Variants in RAP1GDS1 observed in about 807,000 individuals in gnomAD.
RAP1GDS1 encodes the protein RAP1, GTP-GDP dissociation stimulator 1.
In RAP1GDS1, 35 loss-of-function variants were observed where a neutral mutation model predicts 71.1. That is an observed-to-expected ratio of 0.49 (90% confidence interval 0.38 to 0.65). The LOEUF (loss-of-function observed/expected upper bound fraction) is 0.65, where lower values mean the gene tolerates loss of function less well. RAP1GDS1 is among the 30% of genes least tolerant of loss of function. The pLI is 0.00. For synonymous variants in RAP1GDS1, 229 were observed against 243.1 expected (o/e 0.94, Z 0.54); for missense variants, 663 against 706.1 (o/e 0.94, Z 0.69).
At chr4:98,425,147 A>C (rs1162924722) in intron 12 of RAP1GDS1, among the ~76,000 whole-genome samples, 1 of 152,186 alleles carries the variant, frequency 6.6e-6, no homozygotes, top group Middle Eastern at 3.2e-3. Context: ...AAGCTTCATA[A>C]ATGAAGGAAA....
chr4:98,312,046 T>G (rs897447388), intron 2 of RAP1GDS1, among the ~76,000 whole-genome samples: 3 of 152,114 alleles, frequency 2.0e-5, no homozygotes, highest in African/African-American at 7.2e-5. Context: ...AGATAGAGGA[T>G]GGTAAATAAT....
At chr4:98,379,530 G>A (rs2110105690) in intron 5 of RAP1GDS1, 2 of 154,174 alleles carry the variant, frequency 1.3e-5, no homozygotes, top group Non-Finnish European at 2.9e-5. Context: ...GTTTGCAGAA[G>A]TAAAATTATT....
At chr4:98,301,382 A>G (rs142392207) in intron 2 of RAP1GDS1, among the ~76,000 whole-genome samples, 6 of 152,210 alleles carry the variant, frequency 3.9e-5, no homozygotes, top group African/African-American at 1.4e-4. Context: ...ACAATTCCTG[A>G]TGGGTTGAGA....
At chr4:98,286,957 A>C (rs1726144141) in intron 1 of RAP1GDS1, among the ~76,000 whole-genome samples, 1 of 151,928 alleles carries the variant, frequency 6.6e-6, no homozygotes, top group South Asian at 2.1e-4. Flanking sequence ...CACATTTCTA[A>C]AATAGAGAAG....
chr4:98,354,380 C>T (rs74288957), intron 4 of RAP1GDS1, among the ~76,000 whole-genome samples: 10,143 of 152,200 alleles, frequency 0.067, 385 homozygotes, highest in Admixed American at 0.14. Flanking sequence ...TTCTTTAAAC[C>T]TTGTTCATTT....
intron 1 of RAP1GDS1, among the ~76,000 whole-genome samples, chr4:98,279,757 C>T (rs889378512): frequency 6.6e-5 from 10 of 152,038 alleles, no homozygotes; most frequent in Non-Finnish European, 1.2e-4. Context: ...TATCCCTTCC[C>T]CTGTCCCCAC....
chr4:98,374,091 A>T (rs915263662), intron 4 of RAP1GDS1, among the ~76,000 whole-genome samples: 2 of 152,158 alleles, frequency 1.3e-5, no homozygotes, highest in Non-Finnish European at 2.9e-5. Flanking sequence ...AACAAACTGC[A>T]GAAAGTAAAA....
intron 13 of RAP1GDS1, 58 bp downstream of exon 13, chr4:98,434,120 T>C (rs189898258): frequency 6.3e-7 from 1 of 1,582,746 alleles, no homozygotes; most frequent in Admixed American, 1.7e-5. Context: ...TGAAAGGAAG[T>C]ATAGAAGTGG....
intron 3 of RAP1GDS1, among the ~76,000 whole-genome samples, chr4:98,346,779 C>T (rs1227379115): frequency 2.6e-5 from 4 of 152,050 alleles, no homozygotes; most frequent in South Asian, 2.1e-4. Flanking sequence ...CTCCTGACCT[C>T]GTGATCTGCC....
At chr4:98,398,499 A>G (rs1206033533) in intron 6 of RAP1GDS1, among the ~76,000 whole-genome samples, 1 of 152,168 alleles carries the variant, frequency 6.6e-6, no homozygotes, top group African/African-American at 2.4e-5. Context: ...GTTGAATACA[A>G]AAGATCATGA....
At chr4:98,364,181 AAT>A (rs1422107299) in intron 4 of RAP1GDS1, among the ~76,000 whole-genome samples, 1 of 152,188 alleles carries the variant, frequency 6.6e-6, no homozygotes, top group East Asian at 1.9e-4. Flanking sequence ...AAGTTAAAAT[AAT>A]CTCCTGCATT....
intron 2 of RAP1GDS1, among the ~76,000 whole-genome samples, chr4:98,335,376 T>G (rs1484442213): frequency 2.0e-5 from 3 of 152,128 alleles, no homozygotes; most frequent in Non-Finnish European, 4.4e-5. Flanking sequence ...TCTTTGTGGT[T>G]TTTGCAGTCT....
chr4:98,390,499 C>T (rs1743447422), intron 5 of RAP1GDS1, among the ~76,000 whole-genome samples: 1 of 151,926 alleles, frequency 6.6e-6, no homozygotes, highest in Non-Finnish European at 1.5e-5. Context: ...TAATAGGCCC[C>T]TTTCTATTAT....
chr4:98,335,231 C>G (rs1455485490), intron 2 of RAP1GDS1, among the ~76,000 whole-genome samples: 2 of 152,154 alleles, frequency 1.3e-5, no homozygotes, highest in African/African-American at 2.4e-5. Context: ...GTGCTGGTGA[C>G]TGTCCTACTG....
At chr4:98,314,738 T>TTA (rs886124911) in intron 2 of RAP1GDS1, among the ~76,000 whole-genome samples, 4 of 152,166 alleles carry the variant, frequency 2.6e-5, no homozygotes, top group African/African-American at 9.6e-5. Context: ...GTATAATATA[T>TTA]TATATAATGG....
intron 4 of RAP1GDS1, among the ~76,000 whole-genome samples, chr4:98,359,939 T>G (rs1738481125): frequency 1.3e-5 from 2 of 152,176 alleles, no homozygotes; most frequent in East Asian, 1.9e-4. Context: ...GTTTGGCTGG[T>G]TTTTGCGTAG....
chr4:98,304,315 A>G (rs572867883), intron 2 of RAP1GDS1, among the ~76,000 whole-genome samples: 12 of 152,326 alleles, frequency 7.9e-5, no homozygotes, highest in African/African-American at 2.9e-4. Context: ...TCCCACCAAC[A>G]GTGTAAAAGT....
intron 1 of RAP1GDS1, among the ~76,000 whole-genome samples, chr4:98,284,238 T>G (rs754604285): frequency 2.0e-5 from 3 of 152,128 alleles, no homozygotes; most frequent in Non-Finnish European, 2.9e-5. Context: ...TTTTTTCCCC[T>G]TTTATTTTAG....
At chr4:98,384,052 G>A (rs991292898) in intron 5 of RAP1GDS1, among the ~76,000 whole-genome samples, 1 of 151,430 alleles carries the variant, frequency 6.6e-6, no homozygotes, top group Non-Finnish European at 1.5e-5. Flanking sequence ...AAAACAATAT[G>A]TAAAAGGTAA....
Sources: gnomAD v4.1 joint callset for allele counts (sites outside exome capture counted in the v4.1 genomes callset) on GRCh38, gnomAD v4.1.1 for gene constraint, MANE v1.5 for transcripts, NCBI Gene and HGNC (gene_info 2026-07-23, HGNC 2026-07-21) for gene names.